CFAP70: variants seen among roughly 807,000 people sequenced by gnomAD.
The protein encoded by CFAP70 is cilia- and flagella-associated protein 70.
Under a neutral mutation model 137.6 loss-of-function variants are expected in CFAP70, and 81 were observed. The observed-to-expected ratio is 0.59, with a 90% CI of 0.49 to 0.71. The LOEUF (loss-of-function observed/expected upper bound fraction) is 0.71. Ranked by LOEUF, CFAP70 falls within the 30% of genes least tolerant of loss-of-function variation. The pLI, the probability that CFAP70 is intolerant of heterozygous loss-of-function variation, is 0.00. For synonymous variants in CFAP70, 382 were observed against 423.6 expected (o/e 0.90, Z 1.20); for missense variants, 976 against 1,226.7 (o/e 0.80, Z 3.05).
At chr10:73,344,482 G>T (rs2053541052) in intron 5 of CFAP70, among the ~76,000 whole-genome samples, 1 of 152,218 alleles carries the variant, frequency 6.6e-6, no homozygotes, top group Admixed American at 6.5e-5. Flanking sequence ...TGTCCCAGTT[G>T]TGGTGCTGAA....
intron 14 of CFAP70, 76 bp downstream of exon 15, chr10:73,298,830 GA>G (rs1399886931): frequency 1.5e-6 from 2 of 1,318,324 alleles, no homozygotes; most frequent in East Asian, 4.6e-5. Context: ...ATAATCAGAG[GA>G]GAAAATGTGA....
At chr10:73,262,632 A>G (rs1399167558) in intron 25 of CFAP70, among the ~76,000 whole-genome samples, 6 of 152,170 alleles carry the variant, frequency 3.9e-5, no homozygotes, top group African/African-American at 1.4e-4. Context: ...GTGCATATTT[A>G]GTAGCACCTG....
chr10:73,310,675 C>T (rs530460584), intron 11 of CFAP70, among the ~76,000 whole-genome samples: 14 of 152,320 alleles, frequency 9.2e-5, no homozygotes, highest in African/African-American at 2.9e-4. Context: ...AAGTGCTGGA[C>T]AGCTCTACCC....
At chr10:73,340,585 T>G (rs1220884125) in intron 6 of CFAP70, among the ~76,000 whole-genome samples, 1 of 152,194 alleles carries the variant, frequency 6.6e-6, no homozygotes, top group Non-Finnish European at 1.5e-5. Context: ...CACAGTGCCC[T>G]GGCTGTTCAT....
chr10:73,299,628 G>A lies in CFAP70; in HGVS notation c.1294C>T (p.Arg432Cys), dbSNP rs141600036. The A allele has an allele frequency of 2.5e-6, 4 of 1,612,862 alleles. No homozygotes were observed. In the Admixed American group the frequency reaches 5.0e-5, roughly 20 times the overall value. Residue 432 changes from arginine to cysteine, a missense_variant, in exon 13 of 27, where the codon CGT (arginine) becomes TGT (cysteine). Arg to Cys is a radical substitution (Grantham distance 180). Coordinates refer to ENST00000310715, the Ensembl canonical transcript of CFAP70. ...GCCTTCTGAGCTCCTCCTGTCCGACGGGTAAGAGGAGGCCTTGGAGGAATC... is the reference window on the plus strand; with the variant it reads ...GCCTTCTGAGCTCCTCCTGTCCGACAGGTAAGAGGAGGCCTTGGAGGAATC...
At chr10:73,359,404 A>T (rs1301438183), upstream of CFAP70, among the ~76,000 whole-genome samples, 1 of 152,214 alleles carries the variant, frequency 6.6e-6, no homozygotes, top group Non-Finnish European at 1.5e-5. Context: ...AGCCATACAC[A>T]CAACACGGAT....
At chr10:73,291,531 T>C in intron 18 of CFAP70, 87 bp from the exon 20 acceptor site, 1 of 1,514,720 alleles carries the variant, frequency 6.6e-7, no homozygotes. Context: ...TTTTCCCATA[T>C]TTTACCAAAG....
At chr10:73,337,489 A>G (rs1236763031) in intron 6 of CFAP70, among the ~76,000 whole-genome samples, 1 of 152,166 alleles carries the variant, frequency 6.6e-6, no homozygotes. Flanking sequence ...GTCTCAAACA[A>G]ACAAACAAAA....
exon 6 of CFAP70, chr10:73,341,559 T>C (rs1164541666): frequency 3.1e-6 from 5 of 1,613,680 alleles, no homozygotes; most frequent in Non-Finnish European, 4.2e-6. Flanking sequence ...AGTTCCATTC[T>C]TAAATAAAAT....
chr10:73,310,323 G>A (rs768942448), intron 11 of CFAP70, 74 bp from the exon 13 acceptor site: 5 of 964,986 alleles, frequency 5.2e-6, no homozygotes, highest in Non-Finnish European at 6.3e-6. Flanking sequence ...ATAAGATGAT[G>A]CTCACAATAT....
intron 15 of CFAP70, chr10:73,295,883 C>T (rs1308128096): frequency 6.6e-6 from 1 of 152,192 alleles, no homozygotes; most frequent in Admixed American, 6.5e-5. Context: ...TAGCTCAGAT[C>T]TCTGTCTTGG....
intron 19 of CFAP70, among the ~76,000 whole-genome samples, chr10:73,282,838 T>C (rs1296645029): frequency 1.4e-5 from 2 of 147,854 alleles, no homozygotes; most frequent in Non-Finnish European, 3.0e-5. Flanking sequence ...TTTTTTTTTT[T>C]TTTTTTTTTT....
intron 12 of CFAP70, among the ~76,000 whole-genome samples, chr10:73,309,817 C>T (rs12266809): frequency 0.11 from 15,995 of 151,680 alleles, 1,226 homozygotes; most frequent in East Asian, 0.3. Context: ...CCGCCATGCC[C>T]GGCTAATTTT....
At chr10:73,271,484 C>T (rs2046310658) in intron 24 of CFAP70, among the ~76,000 whole-genome samples, 1 of 152,144 alleles carries the variant, frequency 6.6e-6, no homozygotes, top group African/African-American at 2.4e-5. Flanking sequence ...TGCACTCCAG[C>T]TTGGGTGACA....
At chr10:73,302,681 T>C (rs963042910) in intron 12 of CFAP70, among the ~76,000 whole-genome samples, 1 of 152,154 alleles carries the variant, frequency 6.6e-6, no homozygotes, top group Admixed American at 6.5e-5. Flanking sequence ...TACTTCAGCA[T>C]AGTTTTAATG....
intron 25 of CFAP70, among the ~76,000 whole-genome samples, chr10:73,256,775 C>T (rs1589226862): frequency 6.6e-6 from 1 of 151,570 alleles, no homozygotes; most frequent in African/African-American, 2.4e-5. Context: ...TGGTGGCATG[C>T]GCCTGTAGTC....
intron 9 of CFAP70, 46 bp from the exon 11 acceptor site, chr10:73,312,689 A>G (rs770045727): frequency 6.9e-7 from 1 of 1,457,138 alleles, no homozygotes; most frequent in Non-Finnish European, 9.1e-7. Flanking sequence ...CATGAGACAA[A>G]CTTGAAAGAA....
chr10:73,325,370 C>T (rs867288879), intron 8 of CFAP70, among the ~76,000 whole-genome samples: 4,764 of 152,166 alleles, frequency 0.031, 238 homozygotes, highest in African/African-American at 0.1. Flanking sequence ...CGGTACCAGC[C>T]GCTGCAAAAT....
intron 25 of CFAP70, among the ~76,000 whole-genome samples, chr10:73,267,368 C>T (rs2045872469): frequency 6.6e-6 from 1 of 152,228 alleles, no homozygotes; most frequent in Non-Finnish European, 1.5e-5. Context: ...GGCTTCTTCA[C>T]AGCACAGTGG....
Sources: allele counts gnomAD v4.1 joint callset (sites outside exome capture counted in the v4.1 genomes callset), GRCh38; gene constraint gnomAD v4.1.1; transcripts MANE v1.5; gene names NCBI Gene and HGNC (gene_info 2026-07-23, HGNC 2026-07-21).